DLEC1: variants seen among roughly 807,000 people sequenced by gnomAD.
DLEC1 encodes deleted in lung and esophageal cancer protein 1.
Under a neutral mutation model 198.1 loss-of-function variants are expected in DLEC1, and 146 were observed. The ratio of observed to expected loss-of-function variants is 0.74; its 90% CI spans 0.64 to 0.85. The LOEUF is 0.85. Among genes scored for constraint, DLEC1 ranks in the 40% least tolerant of loss-of-function variants. The probability of loss-of-function intolerance (pLI) is 0.00; values close to 1 mark genes in which losing one functional copy is unlikely to be tolerated. For synonymous variants in DLEC1, 897 were observed against 866.8 expected, an observed-to-expected ratio of 1.03 and a Z score of -0.61; for missense variants, 2,233 against 2,220.0, an observed-to-expected ratio of 1.01 and a Z score of -0.12.
At chr3:38,082,431 A>G (rs1698095933) in intron 6 of DLEC1, among the ~76,000 whole-genome samples, 1 of 151,688 alleles carries the variant, frequency 6.6e-6, no homozygotes, top group Admixed American at 6.6e-5. Context: ...GCACTTTGGG[A>G]GGCCAAGGCA....
intron 5 of DLEC1, 52 bp downstream of exon 5, chr3:38,062,853 A>C: frequency 1.3e-6 from 2 of 1,584,394 alleles, no homozygotes; most frequent in Non-Finnish European, 1.7e-6. Context: ...ATGAGAGTTA[A>C]CCTAGATGGT....
rs149294921 is a variant in DLEC1, at chr3:38,086,423, A to G, written c.1572+46A>G. ...AACTGGAAAAATTACAAGTCCATCA[A>G]AGGAAATAACCCCCAGAGGAACTTA... On this transcript the variant is annotated intron_variant, in intron 9 of 36. Coordinates refer to ENST00000308059, the MANE Select transcript of DLEC1 (RefSeq NM_007335.4). The G allele has an allele frequency of 1.5e-4, 243 of 1,571,632 alleles. 1 individual carries two copies. In the African/African-American group the frequency reaches 2.9e-3, roughly 19 times the overall value.
At chr3:38,109,690 A>G (rs746418421) in intron 22 of DLEC1, 128 bp downstream of exon 22, 41 of 1,485,274 alleles carry the variant, frequency 2.8e-5, no homozygotes, top group Non-Finnish European at 3.5e-5. Flanking sequence ...AAAACGCCAC[A>G]GTGTTATTGC....
intron 2 of DLEC1, among the ~76,000 whole-genome samples, chr3:38,052,618 A>C (rs1371556777): frequency 6.6e-6 from 1 of 152,216 alleles, no homozygotes; most frequent in African/African-American, 2.4e-5. Context: ...TGAGGTGTGG[A>C]GTTGGAACTG....
At chr3:38,083,800 GTTT>G (rs11312889) in intron 6 of DLEC1, among the ~76,000 whole-genome samples, 153 of 146,164 alleles carry the variant, frequency 1.0e-3, no homozygotes, top group African/African-American at 3.8e-3. Flanking sequence ...TAATTTTTTT[GTTT>G]TTTTTTTTGG....
intron 10 of DLEC1, among the ~76,000 whole-genome samples, chr3:38,089,074 A>T (rs574935013): frequency 7.2e-5 from 11 of 152,194 alleles, no homozygotes; most frequent in Non-Finnish European, 1.5e-4. Flanking sequence ...TGCTACAGAC[A>T]TGCTTGGCCT....
rs187296535 is a variant in DLEC1 at position 38,071,884 on chromosome 3, C to G, written c.1173+7965C>G. Among the ~76,000 whole-genome samples, 9 of 151,878 alleles carry G rather than the reference C, an allele frequency of 5.9e-5. No individual in the cohort carries two copies. In the East Asian group the frequency reaches 1.7e-3, roughly 29 times the overall value. On this transcript the variant is annotated intron_variant, in intron 6 of 36. Transcript: ENST00000308059. ...TAGATATTGACGCATAGTCCTTTTC[C>G]AAGAGTGAGGGCTTGAGTTAAGGCA...
At chr3:38,101,381 G>T (rs1291161417) in intron 19 of DLEC1, among the ~76,000 whole-genome samples, 1 of 152,114 alleles carries the variant, frequency 6.6e-6, no homozygotes, top group African/African-American at 2.4e-5. Flanking sequence ...CTTGAATCCT[G>T]GAGGCAGAGG....
intron 6 of DLEC1, among the ~76,000 whole-genome samples, chr3:38,071,836 G>T (rs1697335386): frequency 6.6e-6 from 1 of 152,230 alleles, no homozygotes. Context: ...TGCAGAATAT[G>T]AAAGGCATAT....
intron 9 of DLEC1, among the ~76,000 whole-genome samples, chr3:38,086,978 G>A (rs1372917269): frequency 6.6e-6 from 1 of 151,404 alleles, no homozygotes; most frequent in Non-Finnish European, 1.5e-5. Flanking sequence ...GGAGGCTGAG[G>A]AAGGAGAATC....
chr3:38,092,374 C>T (rs1020708377), intron 10 of DLEC1, among the ~76,000 whole-genome samples: 1 of 152,018 alleles, frequency 6.6e-6, no homozygotes, highest in African/African-American at 2.4e-5. Context: ...TGGTGATTAC[C>T]AGGGTTGGGG....
At chr3:38,039,668 G>C in intron 1 of DLEC1, 32 bp downstream of exon 1, 1 of 1,560,580 alleles carries the variant, frequency 6.4e-7, no homozygotes, top group Non-Finnish European at 8.7e-7. Context: ...GTCTGCGGAC[G>C]GTGCCGGGGT....
Position 38,108,486 on chromosome 3 carries a change from C to T in DLEC1, c.3100C>T (p.Leu1034Phe). The change falls in exon 21 of 37, where the codon CTC becomes TTC. Residue 1034 changes from leucine (L) to phenylalanine (F), a missense_variant. Leu to Phe is a conservative substitution (Grantham distance 22). Coordinates refer to ENST00000308059, the MANE Select transcript of DLEC1 (RefSeq NM_007335.4). ...GLLGPSEECQ[L>F]KLELTAHTQE... is the part of the protein sequence containing the mutation. ...GCTGGGCCCAAGTGAGGAGTGCCAG[C>T]TCAAGTTGGAGTTGACTGCTCATAC... 2 of 1,614,144 alleles carry T rather than the reference C, an allele frequency of 1.2e-6. No homozygotes were observed.
chr3:38,078,484 A>C (rs956537987), intron 6 of DLEC1, among the ~76,000 whole-genome samples: 3 of 152,172 alleles, frequency 2.0e-5, no homozygotes, highest in African/African-American at 7.2e-5. Flanking sequence ...TAGGAAGGAA[A>C]GGAGTTGTTG....
Position 38,068,419 on chromosome 3 carries a change from C to T in DLEC1, c.1173+4500C>T, listed in dbSNP as rs573791275. Among the ~76,000 whole-genome samples the T allele has an allele frequency of 1.9e-3, 288 of 151,970 alleles. 2 individuals are homozygous for T. Among genetic ancestry groups the T allele is most frequent in the African/African-American group, 6.7e-3 (277 of 41,444 alleles). On this transcript the variant is annotated intron_variant, in intron 6 of 36. Transcript: ENST00000308059. ...CTAATTTTTGTATTTTTTGTATAGA[C>T]GGGTTTTTGCTATGTTGCCCAGGCT...
intron 11 of DLEC1, 60 bp from the exon 12 acceptor site, chr3:38,093,545 C>T (rs1487474309): frequency 1.9e-6 from 3 of 1,603,962 alleles, no homozygotes; most frequent in Admixed American, 1.7e-5. Context: ...CCTGCAGCAG[C>T]CTTGGCCTGA....
Position 38,092,786 on chromosome 3 carries a change from C to A in DLEC1, c.1666-4C>A, listed in dbSNP as rs1408309041. On this transcript the variant is annotated splice_region_variant and splice_polypyrimidine_tract_variant and intron_variant, in intron 10 of 36. Coordinates refer to ENST00000308059, the MANE Select transcript of DLEC1 (RefSeq NM_007335.4). ...GGTAACGGAACAACCCTTCTCTCCC[C>A]CAGGTCTTGTTTTCCCCAAAGAGCC... 6.2e-7 allele frequency: 1 copy of A among 1,613,952 alleles called. No homozygotes were observed. Among genetic ancestry groups the A allele is most frequent in the African/African-American group, 1.3e-5 (1 of 74,986 alleles).
chr3:38,063,388 AG>A (rs1381299486), intron 5 of DLEC1, among the ~76,000 whole-genome samples: 1 of 152,158 alleles, frequency 6.6e-6, no homozygotes, highest in African/African-American at 2.4e-5. Context: ...ACCTGAGCAC[AG>A]GGGTGTCGAG....
chr3:38,081,544 C>A (rs1449914188), intron 6 of DLEC1, among the ~76,000 whole-genome samples: 6 of 101,964 alleles, frequency 5.9e-5, no homozygotes, highest in East Asian at 4.0e-4. Context: ...CCTCACCTCC[C>A]GGATGGGGCG....
Sources: allele counts gnomAD v4.1 joint callset (sites outside exome capture counted in the v4.1 genomes callset), GRCh38; gene constraint gnomAD v4.1.1; transcripts MANE v1.5; gene names NCBI Gene and HGNC (gene_info 2026-07-23, HGNC 2026-07-21).